Variants in GLI3 observed in about 807,000 individuals in gnomAD.
GLI3 encodes GLI family zinc finger 3.
A neutral mutation model predicts 100.8 loss-of-function variants in GLI3; 20 were observed. That is an observed-to-expected ratio of 0.20 (90% CI 0.14 to 0.29). The LOEUF is 0.29. Ranked by LOEUF, GLI3 falls within the 10% of genes least tolerant of loss-of-function variation. The pLI is 1.00. For synonymous variants in GLI3, 938 were observed against 860.5 expected, an observed-to-expected ratio of 1.09 and a Z score of -1.58; for missense variants, 2,040 against 2,128.5, an observed-to-expected ratio of 0.96 and a Z score of 0.82.
upstream of GLI3, among the ~76,000 whole-genome samples, chr7:42,238,244 G>C (rs1433675832): frequency 6.6e-6 from 1 of 151,822 alleles, no homozygotes; most frequent in Non-Finnish European, 1.5e-5. Flanking sequence ...CCTGGCACTC[G>C]TGCTGCGTCC....
At chr7:42,136,979 C>T (rs1407072500) in intron 3 of GLI3, among the ~76,000 whole-genome samples, 9 of 152,214 alleles carry the variant, frequency 5.9e-5, no homozygotes, top group Admixed American at 5.9e-4. Context: ...AATCTGAGTT[C>T]TGGAGCCAAT....
chr7:42,030,974 C>A (rs888352535), intron 7 of GLI3, among the ~76,000 whole-genome samples: 2 of 151,782 alleles, frequency 1.3e-5, no homozygotes, highest in African/African-American at 4.9e-5. Flanking sequence ...CCGCCTCGGC[C>A]TCCCAAGGTG....
intron 2 of GLI3, among the ~76,000 whole-genome samples, chr7:42,184,686 T>C (rs1206679168): frequency 6.6e-6 from 1 of 152,182 alleles, no homozygotes; most frequent in Non-Finnish European, 1.5e-5. Flanking sequence ...GCTCAGCCCA[T>C]GCAAGGATTG....
intron 2 of GLI3, among the ~76,000 whole-genome samples, chr7:42,194,771 T>C (rs1787894862): frequency 6.8e-6 from 1 of 147,614 alleles, no homozygotes; most frequent in Non-Finnish European, 1.5e-5. Context: ...TTTTTTTTTT[T>C]TTTTTGGAGT....
At chr7:41,992,592 C>G (rs1168816420) in intron 10 of GLI3, among the ~76,000 whole-genome samples, 1 of 152,042 alleles carries the variant, frequency 6.6e-6, no homozygotes, top group Non-Finnish European at 1.5e-5. Flanking sequence ...AAACCCCTGA[C>G]CAATGGAGAC....
In GLI3 at chr7:42,018,511, G is replaced by A. The variant is rs1321497133; in HGVS notation, c.1497+4957C>T. On this transcript the variant is annotated intron_variant, in intron 10 of 14. Transcript: ENST00000395925. ...GCAAATTTAGGATCACGGTATTAAT[G>A]TGAAAAGAATGTCTTCACATCCTAA... Among the ~76,000 whole-genome samples, 3 of 152,204 alleles carry A rather than the reference G, an allele frequency of 2.0e-5. No homozygotes were observed. In the East Asian group the frequency reaches 5.8e-4, roughly 29 times the overall value.
chr7:42,055,098 C>CATATATGT (rs1784431308), intron 4 of GLI3, among the ~76,000 whole-genome samples: 1 of 95,186 alleles, frequency 1.1e-5, no homozygotes, highest in Non-Finnish European at 2.1e-5. Flanking sequence ...CATATATACA[C>CATATATGT]ATATATGTAT....
At position 41,977,671 on chromosome 7, in the gene GLI3, A is replaced by C. The variant is rs1354390127; in HGVS notation, c.1699T>G (p.Leu567Val). The C allele has an allele frequency of 6.2e-7, 1 of 1,613,998 alleles. No homozygotes were observed. The highest frequency in any genetic ancestry group is 2.2e-5 in the East Asian group (1 of 44,878). The stretch of plus-strand genomic sequence containing the variant: ...GGTTTCTCTCCAGTGTGAGATCTCA[A>C]GTGTGTTTTCAAGTTTTCTAGTCTC... ...YSRLENLKTH[L>V]RSHTGEKPYV... Residue 567 changes from leucine (L) to valine (V), a missense_variant, in exon 12 of 15, where the codon TTG (leucine) becomes GTG (valine). Leu to Val is a conservative substitution (Grantham distance 32). Around this residue, in one of 5 missense-constraint regions of GLI3, gnomAD observed 61 missense variants for 150.9 expected, o/e 0.40. Transcript: ENST00000395925.
chr7:42,136,912 T>C (rs1206387049), intron 3 of GLI3, among the ~76,000 whole-genome samples: 2 of 152,226 alleles, frequency 1.3e-5, no homozygotes, highest in Non-Finnish European at 2.9e-5. Flanking sequence ...AGCCACGCTC[T>C]TGCACAGATC....
intron 2 of GLI3, among the ~76,000 whole-genome samples, chr7:42,192,620 G>C (rs967407875): frequency 1.3e-5 from 2 of 152,174 alleles, no homozygotes; most frequent in Non-Finnish European, 2.9e-5. Flanking sequence ...GGGGGCGCTG[G>C]AAAGAGGATG....
intron 3 of GLI3, among the ~76,000 whole-genome samples, chr7:42,127,391 T>C (rs1193473609): frequency 6.6e-6 from 1 of 152,202 alleles, no homozygotes; most frequent in Non-Finnish European, 1.5e-5. Context: ...CAGCATGTAT[T>C]TGAAGCTCAT....
Position 42,076,838 on chromosome 7 carries a change from A to C in GLI3, c.387T>G (p.Pro129=), listed in dbSNP as rs370896835. The C allele has an allele frequency of 6.2e-7, 1 of 1,611,602 alleles. No individual in the cohort carries two copies. Among genetic ancestry groups the C allele is most frequent in the Non-Finnish European group, 8.5e-7 (1 of 1,177,788 alleles). Reference sequence around the variant, plus strand: ...CAATTGGTACAGGAGGATGGAAGGCAGGGAAAAGATGAGGAGGGTCTGAAA... The same window carrying C: ...CAATTGGTACAGGAGGATGGAAGGCCGGGAAAAGATGAGGAGGGTCTGAAA... ...EPHYHPPHLF[P]AFHPPVPIDA... The change falls in exon 4 of 15, where the codon CCT becomes CCG. Residue 129 remains proline, a synonymous_variant. Coordinates refer to ENST00000395925, the MANE Select transcript of GLI3 (RefSeq NM_000168.6).
In GLI3 at chr7:42,054,660, C is replaced by T. The variant is rs1033972341; in HGVS notation, c.474-5964G>A. On this transcript the variant is annotated intron_variant, in intron 4 of 14. Transcript: ENST00000395925. ...CAATTAATTAATTATTCAATAAATACCATTTTAATAAATCAAAATTTGTAA... is the reference window on the plus strand; with the variant it reads ...CAATTAATTAATTATTCAATAAATATCATTTTAATAAATCAAAATTTGTAA... Among the ~76,000 whole-genome samples, 5 of 151,838 alleles carry T rather than the reference C, an allele frequency of 3.3e-5. 1 individual carries two copies. The highest frequency in any genetic ancestry group is 3.3e-4 in the Admixed American group (5 of 15,224).
At chr7:42,020,882 T>G (rs1788917939) in intron 10 of GLI3, among the ~76,000 whole-genome samples, 1 of 118,862 alleles carries the variant, frequency 8.4e-6, no homozygotes, top group Non-Finnish European at 1.6e-5. Context: ...AGAGCGAGAC[T>G]CCGTCTCAAA....
chr7:42,049,873 G>A (rs1784318739), intron 4 of GLI3, among the ~76,000 whole-genome samples: 1 of 152,204 alleles, frequency 6.6e-6, no homozygotes, highest in Admixed American at 6.5e-5. Context: ...CTGATAGAGA[G>A]AGATCAACTG....
chr7:42,065,442 A>G (rs2128748593), intron 4 of GLI3, among the ~76,000 whole-genome samples: 1 of 152,130 alleles, frequency 6.6e-6, no homozygotes, highest in Non-Finnish European at 1.5e-5. Flanking sequence ...ACAATGTTTT[A>G]CCACTATCTA....
intron 3 of GLI3, among the ~76,000 whole-genome samples, chr7:42,113,029 C>T (rs1055764733): frequency 1.4e-4 from 21 of 151,928 alleles, no homozygotes; most frequent in Middle Eastern, 3.2e-3. Context: ...AAAAATTAGC[C>T]GAGCATGGTG....
chr7:42,093,379 C>CAAA (rs545971639), intron 3 of GLI3, among the ~76,000 whole-genome samples: 23 of 102,768 alleles, frequency 2.2e-4, no homozygotes, highest in African/African-American at 6.0e-4. Context: ...AACAATGTCT[C>CAAA]AAAAAAAAAA....
At chr7:42,079,565 C>G (rs1447777306) in intron 3 of GLI3, among the ~76,000 whole-genome samples, 2 of 152,188 alleles carry the variant, frequency 1.3e-5, no homozygotes, top group Non-Finnish European at 2.9e-5. Context: ...ATCATCTGCT[C>G]TTGGCAATCA....
Sources: allele counts gnomAD v4.1 joint callset (sites outside exome capture counted in the v4.1 genomes callset), GRCh38; gene constraint gnomAD v4.1.1; regional missense constraint gnomAD v4.1.1; transcripts MANE v1.5; gene names NCBI Gene and HGNC (gene_info 2026-07-23, HGNC 2026-07-21).